The following NPAS3 variants were observed in gnomAD, a reference collection of about 807,000 sequenced individuals.
The protein encoded by NPAS3 is neuronal PAS domain-containing protein 3.
Under a neutral mutation model 73.1 loss-of-function variants are expected in NPAS3, and 14 were observed. That is an observed-to-expected ratio of 0.19 (90% CI 0.13 to 0.30). The LOEUF is 0.30. Among genes scored for constraint, NPAS3 ranks in the 10% least tolerant of loss-of-function variants. NPAS3 has a pLI of 1.00. For synonymous variants in NPAS3, 620 were observed against 541.5 expected (o/e 1.14, Z -2.01); for missense variants, 1,096 against 1,250.0 (o/e 0.88, Z 1.86).
intron 3 of NPAS3, among the ~76,000 whole-genome samples, chr14:33,365,010 G>C (rs1238870334): frequency 1.3e-5 from 2 of 149,634 alleles, no homozygotes; most frequent in Non-Finnish European, 3.0e-5. Flanking sequence ...TTTTGGGGGA[G>C]GGGGGAGGGG....
chr14:33,746,737 A>G (rs1377490202), intron 7 of NPAS3, among the ~76,000 whole-genome samples: 1 of 151,434 alleles, frequency 6.6e-6, no homozygotes, highest in Non-Finnish European at 1.5e-5. Flanking sequence ...GAAAAAACAT[A>G]TATTTCTTTT....
chr14:33,369,448 C>A (rs896707110), intron 4 of NPAS3, among the ~76,000 whole-genome samples: 1 of 127,204 alleles, frequency 7.9e-6, no homozygotes, highest in Non-Finnish European at 1.8e-5. Flanking sequence ...TATTCTGTGT[C>A]GCTTCAGAAT....
intron 3 of NPAS3, among the ~76,000 whole-genome samples, chr14:33,276,468 T>C (rs553314510): frequency 1.1e-4 from 17 of 152,270 alleles, no homozygotes; most frequent in Non-Finnish European, 1.6e-4. Flanking sequence ...ATAATATTTA[T>C]TTTTAATAAT....
intron 2 of NPAS3, among the ~76,000 whole-genome samples, chr14:33,087,464 G>C (rs1486949037): frequency 6.6e-6 from 1 of 151,820 alleles, no homozygotes; most frequent in Non-Finnish European, 1.5e-5. Context: ...ATTAATGCTA[G>C]AAAGTAATAA....
In NPAS3 at chr14:33,642,509, A is replaced by ATTGT. The variant is rs61005188; in HGVS notation, c.559-33699_559-33696dup. Among the ~76,000 whole-genome samples, 621 of 152,254 alleles carry ATTGT rather than the reference A, an allele frequency of 4.1e-3. 3 individuals carry two copies. Among genetic ancestry groups the ATTGT allele is most frequent in the African/African-American group, 0.014 (593 of 41,546 alleles). On this transcript the variant is annotated intron_variant, in intron 5 of 11. Transcript: ENST00000356141. ...CTAATCGTTACTTTTGCAATTTGTG[A>ATTGT]TTGTTTATAGATCATTTCTTTTAAG...
At chr14:32,995,326 C>T (rs867766639) in intron 1 of NPAS3, among the ~76,000 whole-genome samples, 3 of 152,222 alleles carry the variant, frequency 2.0e-5, no homozygotes, top group Admixed American at 1.3e-4. Flanking sequence ...TTGGCTCTTC[C>T]TTACATGGTA....
Position 33,546,034 on chromosome 14 carries a change from G to A in NPAS3, c.469-14087G>A, listed in dbSNP as rs148463935. On this transcript the variant is annotated intron_variant, in intron 4 of 11. Transcript: ENST00000356141. The stretch of plus-strand genomic sequence containing the variant: ...TCATTCCTCAATCCTCTTCTTCTGG[G>A]GGCTCCTGTTAAGGCCTTCTGACTC... 1.2e-3 allele frequency among the ~76,000 whole-genome samples: 186 copies of A among 152,164 alleles called. No individual in the cohort carries two copies. In the Middle Eastern group the frequency reaches 0.017, roughly 14 times the overall value.
intron 1 of NPAS3, among the ~76,000 whole-genome samples, chr14:32,983,167 A>T (rs1449283267): frequency 6.6e-6 from 1 of 152,186 alleles, no homozygotes; most frequent in Non-Finnish European, 1.5e-5. Context: ...AATAATGAAT[A>T]TATGCCCCAT....
rs74711195 is a variant in NPAS3 at position 33,185,473 on chromosome 14, A to G, written c.141-29709A>G. Among the ~76,000 whole-genome samples the G allele has an allele frequency of 1.1e-3, 162 of 152,324 alleles. 2 individuals are homozygous for G. The East Asian group carries it at 0.021, about 19-fold the overall frequency. ...AATGAGAAACCGAATCATGCTTTCC[A>G]AAGTGGATCCTATCAAATATCATTT... On this transcript the variant is annotated intron_variant, in intron 2 of 11. Coordinates refer to ENST00000356141, the Ensembl canonical transcript of NPAS3.
At chr14:32,971,662 T>C (rs2037429509) in intron 1 of NPAS3, among the ~76,000 whole-genome samples, 1 of 152,160 alleles carries the variant, frequency 6.6e-6, no homozygotes, top group African/African-American at 2.4e-5. Context: ...ATTTTAATTT[T>C]TTTATGCTTA....
At chr14:33,110,293 T>G (rs1217143460) in intron 2 of NPAS3, among the ~76,000 whole-genome samples, 1 of 152,190 alleles carries the variant, frequency 6.6e-6, no homozygotes, top group East Asian at 1.9e-4. Flanking sequence ...AAATTTAATA[T>G]GCAATGAGTA....
chr14:33,278,258 T>C (rs963252311), intron 3 of NPAS3, among the ~76,000 whole-genome samples: 2 of 152,102 alleles, frequency 1.3e-5, no homozygotes, highest in African/African-American at 4.8e-5. Flanking sequence ...GATGTGAATC[T>C]ATAGTAAGAT....
chr14:33,248,441 C>G (rs142421402), intron 3 of NPAS3, among the ~76,000 whole-genome samples: 2 of 152,214 alleles, frequency 1.3e-5, no homozygotes, highest in African/African-American at 4.8e-5. Flanking sequence ...TTGAAATACA[C>G]AAGTTTTTCA....
At chr14:33,298,107 C>G (rs2042377863) in intron 3 of NPAS3, among the ~76,000 whole-genome samples, 1 of 152,100 alleles carries the variant, frequency 6.6e-6, no homozygotes, top group African/African-American at 2.4e-5. Context: ...CATGGTGAAA[C>G]CCCGTCTCTA....
intron 1 of NPAS3, among the ~76,000 whole-genome samples, chr14:32,986,290 C>T (rs989693918): frequency 6.6e-6 from 1 of 152,178 alleles, no homozygotes; most frequent in Non-Finnish European, 1.5e-5. Context: ...TCATGTCATT[C>T]ATTATGATTC....
intron 2 of NPAS3, among the ~76,000 whole-genome samples, chr14:33,165,239 G>A (rs762143267): frequency 6.6e-6 from 1 of 151,862 alleles, no homozygotes; most frequent in Non-Finnish European, 1.5e-5. Context: ...ACAACCTTTC[G>A]ATGTAAGTAG....
intron 6 of NPAS3, among the ~76,000 whole-genome samples, chr14:33,685,133 A>T (rs1181674546): frequency 1.3e-5 from 2 of 152,204 alleles, no homozygotes; most frequent in Admixed American, 1.3e-4. Context: ...GACGTGTCAG[A>T]CATACAAAAC....
At chr14:32,953,135 G>GA (rs566708758) in intron 1 of NPAS3, among the ~76,000 whole-genome samples, 2,650 of 118,082 alleles carry the variant, frequency 0.022, 49 homozygotes, top group African/African-American at 0.054. Flanking sequence ...CAAAAAAAAA[G>GA]AAAAAAAAAA....
intron 3 of NPAS3, among the ~76,000 whole-genome samples, chr14:33,365,175 C>G (rs2045783160): frequency 1.0e-5 from 1 of 98,490 alleles, no homozygotes; most frequent in Admixed American, 1.5e-4. Context: ...CTTCTCCCTC[C>G]CAAAAGCCAC....
Sources: gnomAD v4.1 joint callset for allele counts (sites outside exome capture counted in the v4.1 genomes callset) on GRCh38, gnomAD v4.1.1 for gene constraint, MANE v1.5 for transcripts, NCBI Gene and HGNC (gene_info 2026-07-23, HGNC 2026-07-21) for gene names.